Variants in CCDC102B observed in about 807,000 individuals in gnomAD.
CCDC102B encodes coiled-coil domain containing 102B.
In CCDC102B, 75 loss-of-function variants were observed where a neutral mutation model predicts 57.4. The ratio of observed to expected loss-of-function variants is 1.31; its 90% CI spans 1.08 to 1.58. CCDC102B has a LOEUF of 1.58. CCDC102B is among the 40% of genes most tolerant of loss of function. CCDC102B has a pLI of 0.00. For missense variants in CCDC102B, 636 were observed against 582.6 expected (o/e 1.09, Z -0.94); for synonymous variants, 206 against 201.9 (o/e 1.02, Z -0.17).
intron 6 of CCDC102B, among the ~76,000 whole-genome samples, chr18:69,009,385 C>T (rs1720700030): frequency 6.6e-6 from 1 of 152,176 alleles, no homozygotes; most frequent in Non-Finnish European, 1.5e-5. Context: ...TTACCCTCCT[C>T]ATAGCCTGTC....
chr18:68,898,928 G>C (rs988680152), intron 6 of CCDC102B, among the ~76,000 whole-genome samples: 1 of 151,986 alleles, frequency 6.6e-6, no homozygotes, highest in East Asian at 1.9e-4. Flanking sequence ...GTTTGGAGCT[G>C]GCATTGGCGT....
At chr18:68,817,138 A>G (rs2036516657) in intron 1 of CCDC102B, among the ~76,000 whole-genome samples, 1 of 152,212 alleles carries the variant, frequency 6.6e-6, no homozygotes, top group Non-Finnish European at 1.5e-5. Flanking sequence ...TTTTATTTCA[A>G]TTCTTGATGA....
chr18:68,779,802 G>C (rs1002902430), intron 2 of CCDC102B, among the ~76,000 whole-genome samples: 39 of 152,050 alleles, frequency 2.6e-4, no homozygotes, highest in African/African-American at 9.4e-4. Context: ...CAAACTTGCT[G>C]CCTCACACAT....
intron 2 of CCDC102B, among the ~76,000 whole-genome samples, chr18:68,759,336 G>A (rs2145264211): frequency 6.6e-6 from 1 of 152,204 alleles, no homozygotes; most frequent in Middle Eastern, 3.4e-3. Context: ...AAAGAAATGA[G>A]TTGCCATATT....
At chr18:68,896,360 G>T (rs1245622939) in intron 5 of CCDC102B, among the ~76,000 whole-genome samples, 1 of 151,974 alleles carries the variant, frequency 6.6e-6, no homozygotes, top group Non-Finnish European at 1.5e-5. Flanking sequence ...AGAATTTCTA[G>T]AGTAGGCTTC....
rs1491296876 is a variant in CCDC102B at position 68,733,507 on chromosome 18, T to TATATATATATA, written c.-67+16913_-67+16914insATATATATATA. ...ATATATATATATATATATATATATA[T>TATATATATATA]TTTTTTAACTTAAGCATGCTTTAAG... On this transcript the variant is annotated intron_variant, in intron 2 of 3. Coordinates refer to the CCDC102B transcript ENST00000578970. 4.1e-4 allele frequency among the ~76,000 whole-genome samples: 31 copies of TATATATATATA among 76,096 alleles called. 1 individual carries two copies. Among genetic ancestry groups the TATATATATATA allele is most frequent in the African/African-American group, 8.8e-4 (15 of 17,002 alleles). 49.9% of individuals were successfully genotyped at this position (76,096 alleles called of 152,430 possible). A position where few individuals can be genotyped will look rare whatever the true frequency, so the allele number is the denominator to read the frequency against.
intron 2 of CCDC102B, among the ~76,000 whole-genome samples, chr18:68,729,060 A>G (rs2032740391): frequency 6.6e-6 from 1 of 152,216 alleles, no homozygotes; most frequent in Admixed American, 6.5e-5. Flanking sequence ...GCAATAATAC[A>G]TTGTGTTACT....
At chr18:68,855,888 GTGTGTTAGTCA>G (rs2038363437) in intron 4 of CCDC102B, among the ~76,000 whole-genome samples, 1 of 152,008 alleles carries the variant, frequency 6.6e-6, no homozygotes, top group Admixed American at 6.6e-5. Context: ...AAAAATTCAG[GTGTGTTAGTCA>G]TGTCTGAGGC....
intron 6 of CCDC102B, among the ~76,000 whole-genome samples, chr18:68,941,603 G>C (rs2145169334): frequency 6.6e-6 from 1 of 152,196 alleles, no homozygotes; most frequent in South Asian, 2.1e-4. Flanking sequence ...GTGATATTAA[G>C]AAGTTACTGT....
At chr18:68,904,469 G>A (rs551496256) in intron 6 of CCDC102B, among the ~76,000 whole-genome samples, 3 of 152,258 alleles carry the variant, frequency 2.0e-5, no homozygotes, top group Admixed American at 6.5e-5. Flanking sequence ...AAAGTGTATA[G>A]GTGGGATTAT....
At chr18:68,754,255 T>G (rs561964025) in intron 2 of CCDC102B, 1 of 152,246 alleles carries the variant, frequency 6.6e-6, no homozygotes, top group African/African-American at 2.4e-5. Context: ...CGTTTAAACA[T>G]CCAGTAGATT....
Position 68,993,790 on chromosome 18 carries a change from A to AATTT in CCDC102B, c.1264-17143_1264-17140dup, listed in dbSNP as rs572450176. Reference sequence around the variant, plus strand: ...AAAAATCATTGTAAAGAATGTAGTAAATTTCTCCGGGTTCTATTTCAAGTA... The same window carrying AATTT: ...AAAAATCATTGTAAAGAATGTAGTAAATTTATTTCTCCGGGTTCTATTTCAAGTA... On this transcript the variant is annotated intron_variant, in intron 6 of 7. Transcript: ENST00000360242. Among the ~76,000 whole-genome samples the AATTT allele has an allele frequency of 1.2e-3, 178 of 152,290 alleles. 1 individual carries two copies. Among genetic ancestry groups the AATTT allele is most frequent in the Admixed American group, 0.011 (165 of 15,296 alleles).
intron 6 of CCDC102B, among the ~76,000 whole-genome samples, chr18:68,927,285 T>C (rs953623577): frequency 1.3e-5 from 2 of 152,010 alleles, no homozygotes; most frequent in Non-Finnish European, 2.9e-5. Context: ...ATATAACACA[T>C]TCATAATGCT....
chr18:68,944,777 A>C (rs2049484993), intron 6 of CCDC102B, among the ~76,000 whole-genome samples: 1 of 152,120 alleles, frequency 6.6e-6, no homozygotes, highest in African/African-American at 2.4e-5. Context: ...TTGTGTTCAC[A>C]GAGCTGGCAG....
chr18:68,866,092 A>T (rs889963787), intron 4 of CCDC102B, among the ~76,000 whole-genome samples: 1 of 152,240 alleles, frequency 6.6e-6, no homozygotes, highest in South Asian at 2.1e-4. Flanking sequence ...TCATTAAGAG[A>T]TGAATTTCTA....
At chr18:68,747,746 A>G (rs1400953347) in intron 2 of CCDC102B, among the ~76,000 whole-genome samples, 1 of 152,154 alleles carries the variant, frequency 6.6e-6, no homozygotes, top group Non-Finnish European at 1.5e-5. Context: ...ATATGTATAT[A>G]TCACATTTTT....
At chr18:69,000,708 T>C (rs545186952) in intron 6 of CCDC102B, among the ~76,000 whole-genome samples, 2 of 152,302 alleles carry the variant, frequency 1.3e-5, no homozygotes, top group African/African-American at 4.8e-5. Flanking sequence ...TATATTAGAA[T>C]TTAAACAAGA....
chr18:68,881,553 C>T (rs926101422), intron 5 of CCDC102B, among the ~76,000 whole-genome samples: 4 of 152,066 alleles, frequency 2.6e-5, no homozygotes, highest in Non-Finnish European at 4.4e-5. Flanking sequence ...AGCAGATTGC[C>T]TTCTCTAATG....
chr18:68,906,936 T>TTTATACTC (rs1305183266), intron 6 of CCDC102B, among the ~76,000 whole-genome samples: 1 of 151,928 alleles, frequency 6.6e-6, no homozygotes, highest in African/African-American at 2.4e-5. Flanking sequence ...CTTTTATACT[T>TTTATACTC]TTACCTGTCA....
Sources: allele counts gnomAD v4.1 joint callset (sites outside exome capture counted in the v4.1 genomes callset), GRCh38; gene constraint gnomAD v4.1.1; transcripts MANE v1.5; gene names NCBI Gene and HGNC (gene_info 2026-07-23, HGNC 2026-07-21).